Variants in CCAR1 observed in about 807,000 individuals in gnomAD.
CCAR1 encodes cell division cycle and apoptosis regulator protein 1.
CCAR1 carries 78 observed loss-of-function variants against 163.8 expected under a neutral mutation model. The ratio of observed to expected loss-of-function variants is 0.48; its 90% CI spans 0.40 to 0.57. The LOEUF (loss-of-function observed/expected upper bound fraction) is 0.57. CCAR1 is among the 20% of genes least tolerant of loss of function. The pLI is 0.00. For missense variants in CCAR1, 1,019 were observed against 1,365.2 expected, an observed-to-expected ratio of 0.75 and a Z score of 4.00; for synonymous variants, 443 against 460.7, an observed-to-expected ratio of 0.96 and a Z score of 0.49.
rs140154645 is a variant in CCAR1, at chr10:68,789,613, A to G, written c.3188-97A>G. The G allele has an allele frequency of 5.6e-6, 4 of 708,078 alleles. No homozygotes were observed. In the East Asian group the frequency reaches 1.1e-4, roughly 20 times the overall value. 43.9% of individuals were successfully genotyped at this position (708,078 alleles called of 1,614,324 possible). Reference sequence around the variant, plus strand: ...AGACATTGCCATTTTATGGAATTCTATCAGCTTTTTATTTTCACAGCTTAA... The same window carrying G: ...AGACATTGCCATTTTATGGAATTCTGTCAGCTTTTTATTTTCACAGCTTAA... On this transcript the variant is annotated intron_variant, in intron 23 of 24. Coordinates refer to ENST00000265872, the MANE Select transcript of CCAR1 (RefSeq NM_018237.4).
intron 17 of CCAR1, among the ~76,000 whole-genome samples, chr10:68,768,323 T>C (rs540693572): frequency 1.3e-5 from 2 of 152,094 alleles, no homozygotes; most frequent in South Asian, 4.2e-4. Flanking sequence ...TTTAAGCAGT[T>C]GCCTGGCTGG....
Position 68,749,637 on chromosome 10 carries a change from GTGT to G in CCAR1, c.1075_1077del (p.Val359del). 1 of 1,613,994 alleles carries G rather than the reference GTGT, an allele frequency of 6.2e-7. No homozygotes were observed. Among genetic ancestry groups the G allele is most frequent in the South Asian group, 1.1e-5 (1 of 91,074 alleles). On this transcript the variant is annotated inframe_deletion, in exon 10 of 25. Transcript: ENST00000265872. The stretch of plus-strand genomic sequence containing the variant: ...GAGCGATCACCTCGGAGAGTTCGAC[GTGT>G]TGTTCCACGTTACACAGTTCAGTTT...
At chr10:68,750,814 T>G (rs987809561) in intron 10 of CCAR1, among the ~76,000 whole-genome samples, 1 of 152,194 alleles carries the variant, frequency 6.6e-6, no homozygotes, top group African/African-American at 2.4e-5. Flanking sequence ...GATATTATTA[T>G]GTTTAAACAG....
intron 10 of CCAR1, among the ~76,000 whole-genome samples, chr10:68,751,027 G>GT (rs1386616891): frequency 6.8e-6 from 1 of 146,522 alleles, no homozygotes; most frequent in African/African-American, 2.6e-5. Context: ...TTTTTTTTTT[G>GT]TTTTTGTTTT....
At chr10:68,752,883 A>AATGG (rs371800659) in intron 10 of CCAR1, among the ~76,000 whole-genome samples, 3 of 142,294 alleles carry the variant, frequency 2.1e-5, no homozygotes, top group African/African-American at 5.4e-5. Flanking sequence ...GATAGGATAG[A>AATGG]ATAGATAGAT....
In CCAR1 at chr10:68,766,391, C is replaced by T. The variant is rs1182048244; in HGVS notation, c.2298+312C>T. ...CTAATTTTTGCATTTTTAGTAGAGA[C>T]GGGGTTTCACCATGTTGGCCAGCCT... On this transcript the variant is annotated intron_variant, in intron 17 of 24. Coordinates refer to ENST00000265872, the MANE Select transcript of CCAR1 (RefSeq NM_018237.4). Among the ~76,000 whole-genome samples, 6 of 151,420 alleles carry T rather than the reference C, an allele frequency of 4.0e-5. No individual in the cohort carries two copies. The East Asian group carries it at 7.8e-4, about 20-fold the overall frequency.
At chr10:68,777,296 G>T (rs1030092205) in intron 19 of CCAR1, among the ~76,000 whole-genome samples, 1 of 152,064 alleles carries the variant, frequency 6.6e-6, no homozygotes, top group Non-Finnish European at 1.5e-5. Context: ...CAATACAATT[G>T]CCAGAATGAT....
At chr10:68,770,823 A>G (rs1238528394) in intron 17 of CCAR1, among the ~76,000 whole-genome samples, 1 of 152,240 alleles carries the variant, frequency 6.6e-6, no homozygotes, top group Non-Finnish European at 1.5e-5. Flanking sequence ...TACGCCTGTA[A>G]TCCCAGCACT....
chr10:68,739,257 C>A lies in CCAR1; in HGVS notation c.291+1368C>A, dbSNP rs144584554. Among the ~76,000 whole-genome samples the A allele has an allele frequency of 5.1e-3, 779 of 152,318 alleles. 5 individuals are homozygous for A. Among genetic ancestry groups the A allele is most frequent in the African/African-American group, 0.018 (746 of 41,572 alleles). ...CTCTGCCTCCCAGATTCAAGCAATT[C>A]TTCTGCCTCAGCCTCCTGAGTAGCT... is the stretch of plus-strand genomic sequence containing the variant. On this transcript the variant is annotated intron_variant, in intron 4 of 24. Transcript: ENST00000265872.
intron 6 of CCAR1, among the ~76,000 whole-genome samples, chr10:68,744,180 T>C (rs2056222410): frequency 6.6e-6 from 1 of 152,182 alleles, no homozygotes; most frequent in Admixed American, 6.5e-5. Flanking sequence ...CCACTGCGCC[T>C]AGCCAGTTTA....
intron 1 of CCAR1, 67 bp from the exon 2 acceptor site, chr10:68,722,388 T>C: frequency 1.2e-6 from 1 of 819,970 alleles, no homozygotes; most frequent in Non-Finnish European, 2.2e-6. Context: ...TTTCTTTCTA[T>C]TGTAATATCC....
Position 68,760,820 on chromosome 10 carries a change from C to T in CCAR1, c.1921-187C>T, listed in dbSNP as rs555149707. 18 of 373,290 alleles carry T rather than the reference C, an allele frequency of 4.8e-5. No homozygotes were observed. The South Asian group carries it at 6.9e-4, about 14-fold the overall frequency. 23.1% of individuals were successfully genotyped at this position (373,290 alleles called of 1,614,324 possible). A position where few individuals can be genotyped will look rare whatever the true frequency, so the allele number is the denominator to read the frequency against. On this transcript the variant is annotated intron_variant, in intron 15 of 24. Coordinates refer to ENST00000265872, the MANE Select transcript of CCAR1 (RefSeq NM_018237.4). Reference sequence around the variant, plus strand: ...CAGAGCTTGTGGTAAGCCGAGATCACGCCACTGCACTCCAGCCTGGGCGAC... The same window carrying T: ...CAGAGCTTGTGGTAAGCCGAGATCATGCCACTGCACTCCAGCCTGGGCGAC...
rs1278583963 is a variant in CCAR1, at chr10:68,742,425, C to T, written c.374C>T (p.Thr125Ile). 1 of 1,613,976 alleles carries T rather than the reference C, an allele frequency of 6.2e-7. No individual in the cohort carries two copies. The highest frequency in any genetic ancestry group is 1.3e-5 in the African/African-American group (1 of 74,914). Residue 125 changes from threonine to isoleucine, a missense_variant, in exon 6 of 25, where the codon ACA becomes ATA. This residue lies in a region of CCAR1 where 644 missense variants were observed against 904.4 expected (regional missense o/e 0.71). Coordinates refer to ENST00000265872, the MANE Select transcript of CCAR1 (RefSeq NM_018237.4). ...CTTAGCCTGTCTACTCCTCAGCCAA[C>T]AGCACAAATAACTGTATCATATCCA... ...TSLSLSTPQP[T>I]AQITVSYPTP... is the part of the protein sequence containing the mutation.
At chr10:68,743,932 G>A (rs2056218936) in intron 6 of CCAR1, among the ~76,000 whole-genome samples, 1 of 152,070 alleles carries the variant, frequency 6.6e-6, no homozygotes, top group African/African-American at 2.4e-5. Context: ...TGTATTTTTA[G>A]TAGAGATGGG....
At chr10:68,765,012 C>CT (rs929109299) in intron 16 of CCAR1, among the ~76,000 whole-genome samples, 80 of 152,306 alleles carry the variant, frequency 5.3e-4, no homozygotes, top group Middle Eastern at 3.4e-3. Flanking sequence ...AACGTAGTTT[C>CT]TTTCAGATAG....
At chr10:68,744,441 A>G (rs1215063519) in intron 6 of CCAR1, among the ~76,000 whole-genome samples, 1 of 152,248 alleles carries the variant, frequency 6.6e-6, no homozygotes, top group South Asian at 2.1e-4. Flanking sequence ...CCTGGGCAAC[A>G]TAATGGCAAG....
At chr10:68,754,600 TC>T in intron 11 of CCAR1, 113 bp from the exon 12 acceptor site, 1 of 609,412 alleles carries the variant, frequency 1.6e-6, no homozygotes, top group Non-Finnish European at 2.9e-6. Context: ...TAGTATTACT[TC>T]CTATTTTTAT....
chr10:68,790,831 C>T (rs1295258733), intron 24 of CCAR1, among the ~76,000 whole-genome samples: 1 of 144,720 alleles, frequency 6.9e-6, no homozygotes, highest in East Asian at 2.2e-4. Flanking sequence ...CCCGTCTCTA[C>T]TAAAAATATA....
At chr10:68,740,784 A>G (rs1055770912) in intron 5 of CCAR1, 123 bp downstream of exon 5, 1 of 697,988 alleles carries the variant, frequency 1.4e-6, no homozygotes, top group African/African-American at 1.8e-5. Flanking sequence ...TAATTTAGGA[A>G]TATAATGCTA....
Sources: gnomAD v4.1 joint callset for allele counts (sites outside exome capture counted in the v4.1 genomes callset) on GRCh38, gnomAD v4.1.1 for gene constraint, gnomAD v4.1.1 regional missense constraint, MANE v1.5 for transcripts, NCBI Gene and HGNC (gene_info 2026-07-23, HGNC 2026-07-21) for gene names.